Variants in DAGLA observed in about 807,000 individuals in gnomAD.
DAGLA encodes the protein diacylglycerol lipase alpha, also known as diacylglycerol lipase-alpha.
A neutral mutation model predicts 102.6 loss-of-function variants in DAGLA; 22 were observed. The observed-to-expected ratio is 0.21, with a 90% CI of 0.15 to 0.31. The LOEUF (loss-of-function observed/expected upper bound fraction) is 0.31, where lower values mean the gene tolerates loss of function less well. Ranked by LOEUF, DAGLA falls within the 10% of genes least tolerant of loss-of-function variation. DAGLA has a pLI of 1.00. For missense variants in DAGLA, 927 were observed against 1,446.6 expected, an observed-to-expected ratio of 0.64 and a Z score of 5.83; for synonymous variants, 578 against 628.9, an observed-to-expected ratio of 0.92 and a Z score of 1.21.
Position 61,686,645 on chromosome 11 carries a change from G to C in DAGLA, c.-45+6141G>C, listed in dbSNP as rs1565244420. The stretch of plus-strand genomic sequence containing the variant: ...ACACCTGGAGACGGTCCTGGCCAGG[G>C]AGCCTGCGGCTCTGGGGTGGAGGTC... On this transcript the variant is annotated intron_variant, in intron 1 of 19. Transcript: ENST00000257215. This position sits in a 1 kb window ranked among gnomAD's most constrained non-coding sequence, Gnocchi z 5.2. Among the ~76,000 whole-genome samples the C allele has an allele frequency of 6.6e-6, 1 of 152,214 alleles. No individual in the cohort carries two copies. Among genetic ancestry groups the C allele is most frequent in the Admixed American group, 6.5e-5 (1 of 15,290 alleles).
intron 17 of DAGLA, 40 bp downstream of exon 17, chr11:61,739,701 C>G (rs2065459959): frequency 6.3e-7 from 1 of 1,595,240 alleles, no homozygotes; most frequent in South Asian, 1.1e-5. Context: ...GGGGTAGTGG[C>G]CAGGGCAGGG....
At chr11:61,685,500 T>C (rs1355024159) in intron 1 of DAGLA, among the ~76,000 whole-genome samples, 1 of 152,184 alleles carries the variant, frequency 6.6e-6, no homozygotes, top group Non-Finnish European at 1.5e-5. Flanking sequence ...CCTTGAGGAA[T>C]GTTTCCACTT....
intron 3 of DAGLA, among the ~76,000 whole-genome samples, chr11:61,722,329 T>C (rs1233171857): frequency 6.6e-6 from 1 of 152,206 alleles, no homozygotes; most frequent in African/African-American, 2.4e-5. Flanking sequence ...CTCATGCCTG[T>C]AATCCCAGCA....
chr11:61,742,510 T>C, intron 19 of DAGLA, among the ~76,000 whole-genome samples: 1 of 152,152 alleles, frequency 6.6e-6, no homozygotes, highest in South Asian at 2.1e-4. Context: ...CCGGCTGCGG[T>C]GACTGCTGCA....
chr11:61,739,456 C>G lies in DAGLA; in HGVS notation c.1657-9C>G. 1.2e-6 allele frequency: 2 copies of G among 1,612,454 alleles called. No homozygotes were observed. The highest frequency in any genetic ancestry group is 1.7e-6 in the Non-Finnish European group (2 of 1,179,786). On this transcript the variant is annotated splice_polypyrimidine_tract_variant and intron_variant, in intron 16 of 19. Coordinates refer to ENST00000257215, the MANE Select transcript of DAGLA (RefSeq NM_006133.3). ...TCTGTCCCCATCTCTCCCACTCCAC[C>G]CCGCGCAGTGGCGGATCATCGTGGG...
chr11:61,741,496 G>A (rs1319220518), intron 19 of DAGLA, 147 bp downstream of exon 19: 15 of 911,972 alleles, frequency 1.6e-5, no homozygotes, highest in Non-Finnish European at 2.4e-5. Context: ...GTGCTCTAGG[G>A]CTCTCTTGCT....
At chr11:61,697,176 A>ACT (rs1349222721) in intron 1 of DAGLA, among the ~76,000 whole-genome samples, 1 of 152,078 alleles carries the variant, frequency 6.6e-6, no homozygotes, top group Non-Finnish European at 1.5e-5. Context: ...AGCTCCAGTG[A>ACT]CTCTGATGAG....
chr11:61,741,323 T>G lies in DAGLA; in HGVS notation c.2145T>G (p.Thr715=), dbSNP rs2065477281. Residue 715 remains threonine, a synonymous_variant, in exon 19 of 20, where the codon ACT becomes ACG. Coordinates refer to ENST00000257215, the MANE Select transcript of DAGLA (RefSeq NM_006133.3). ...CTGGCCTTGCCCTGGAGCTGCCGAC[T>G]GCAGACCACCGCAACAGCAGCGTCA... ...MPTGLALELP[T]ADHRNSSVRS... is the part of the protein sequence containing the mutation. 1.2e-6 allele frequency: 2 copies of G among 1,609,432 alleles called. No homozygotes were observed. Among genetic ancestry groups the G allele is most frequent in the African/African-American group, 2.7e-5 (2 of 74,928 alleles).
rs1004242384 is a variant in DAGLA at position 61,734,601 on chromosome 11, G to A, written c.975-248G>A. On this transcript the variant is annotated intron_variant, in intron 9 of 19. Transcript: ENST00000257215. The surrounding 1 kb of genome is among the most constrained non-coding windows in gnomAD (Gnocchi z 4.2). ...CGGAGGGGAGATCCCAGAGAGGAGGGGGCCCCAGCCAGGTGGGGAGAGGGA... is the reference window on the plus strand; with the variant it reads ...CGGAGGGGAGATCCCAGAGAGGAGGAGGCCCCAGCCAGGTGGGGAGAGGGA... 3.9e-5 allele frequency among the ~76,000 whole-genome samples: 6 copies of A among 152,088 alleles called. No individual in the cohort carries two copies. The highest frequency in any genetic ancestry group is 1.4e-4 in the African/African-American group (6 of 41,422).
At chr11:61,710,445 A>G (rs928626685) in intron 1 of DAGLA, among the ~76,000 whole-genome samples, 1 of 152,110 alleles carries the variant, frequency 6.6e-6, no homozygotes, top group African/African-American at 2.4e-5. Flanking sequence ...AAGCTGATAG[A>G]TGCGGGGCAT....
chr11:61,682,204 A>G (rs1360707679), intron 1 of DAGLA, among the ~76,000 whole-genome samples: 3 of 152,148 alleles, frequency 2.0e-5, no homozygotes, highest in South Asian at 4.1e-4. Flanking sequence ...GGCATGTCAC[A>G]TGGTGGTCTG....
chr11:61,744,432 C>G lies in DAGLA; in HGVS notation c.3072C>G (p.Pro1024=), dbSNP rs1183365147. 2.5e-6 allele frequency: 4 copies of G among 1,603,390 alleles called. No individual in the cohort carries two copies. Among genetic ancestry groups the G allele is most frequent in the East Asian group, 2.2e-5 (1 of 44,654 alleles). ...CTGACAAGATCCGGACTTCTACCCC[C>G]ACTGGCCACGGAGCCAGCCCCGCCA... is the stretch of plus-strand genomic sequence containing the variant. ...LAADKIRTST[P]TGHGASPAKQ... Residue 1024 remains proline, a synonymous_variant, in exon 20 of 20, where the codon CCC becomes CCG. Coordinates refer to ENST00000257215, the MANE Select transcript of DAGLA (RefSeq NM_006133.3).
Position 61,684,335 on chromosome 11 carries a change from C to T in DAGLA, c.-45+3831C>T, listed in dbSNP as rs1443985389. 6.6e-6 allele frequency among the ~76,000 whole-genome samples: 1 copy of T among 152,190 alleles called. No individual in the cohort carries two copies. On this transcript the variant is annotated intron_variant, in intron 1 of 19. Transcript: ENST00000257215. This position sits in a 1 kb window ranked among gnomAD's most constrained non-coding sequence, Gnocchi z 4.5. ...GATAAATCTTTTAGAACCGCGGAGC[C>T]CAGGACATTGCAGGATGCGGTTACC...
At chr11:61,728,381 C>A in intron 7 of DAGLA, 94 bp downstream of exon 7, 1 of 1,490,462 alleles carries the variant, frequency 6.7e-7, no homozygotes, top group Non-Finnish European at 9.1e-7. Context: ...GGGCTCGGCT[C>A]CCACGCAGCT....
intron 1 of DAGLA, among the ~76,000 whole-genome samples, chr11:61,711,006 G>A (rs2065190067): frequency 6.6e-6 from 1 of 152,196 alleles, no homozygotes; most frequent in African/African-American, 2.4e-5. Context: ...CTGCTCTGGG[G>A]CCAGAAGGCA....
At chr11:61,740,007 T>C (rs891264954) in intron 17 of DAGLA, among the ~76,000 whole-genome samples, 1 of 152,194 alleles carries the variant, frequency 6.6e-6, no homozygotes, top group Non-Finnish European at 1.5e-5. Context: ...CACACCTCAG[T>C]TGTCACTTGG....
Position 61,746,714 on chromosome 11 carries a change from C to A in DAGLA, c.*2225C>A, listed in dbSNP as rs1822886206. 1 of 152,612 alleles carries A rather than the reference C, an allele frequency of 6.6e-6. No homozygotes were observed. The highest frequency in any genetic ancestry group is 2.1e-4 in the South Asian group (1 of 4,830). The allele number at this position is 152,612 out of a possible 1,614,324, so 9.5% of individuals were successfully genotyped here. A position where few individuals can be genotyped will look rare whatever the true frequency, so the allele number is the denominator to read the frequency against. On this transcript the variant is annotated 3_prime_UTR_variant, in exon 20 of 20. Transcript: ENST00000257215. ...TCAGCCCCGTTCGGCTCAGACCGACCCCCACTCCATCCCCAGACCTGCAGC... is the reference window on the plus strand; with the variant it reads ...TCAGCCCCGTTCGGCTCAGACCGACACCCACTCCATCCCCAGACCTGCAGC...
chr11:61,699,839 G>A (rs546400758), intron 1 of DAGLA, among the ~76,000 whole-genome samples: 5 of 152,326 alleles, frequency 3.3e-5, no homozygotes, highest in African/African-American at 1.2e-4. Context: ...GAGGCCCTCC[G>A]TGTTTGCTTT....
intron 14 of DAGLA, 76 bp from the exon 15 acceptor site, chr11:61,737,611 T>C: frequency 7.1e-7 from 1 of 1,403,762 alleles, no homozygotes; most frequent in Non-Finnish European, 1.0e-6. Context: ...GGCTTGCTTG[T>C]GGCTGGGCCC....
Sources: allele counts gnomAD v4.1 joint callset (sites outside exome capture counted in the v4.1 genomes callset), GRCh38; gene constraint gnomAD v4.1.1; non-coding constraint Gnocchi (gnomAD v3.1); transcripts MANE v1.5; gene names NCBI Gene and HGNC (gene_info 2026-07-23, HGNC 2026-07-21).